The following C8orf34 variants were observed in gnomAD, a reference collection of about 807,000 sequenced individuals.
C8orf34 encodes chromosome 8 open reading frame 34.
In C8orf34, 65 loss-of-function variants were observed where a neutral mutation model predicts 68.3. The ratio of observed to expected loss-of-function variants is 0.95; its 90% confidence interval spans 0.78 to 1.17. The LOEUF (loss-of-function observed/expected upper bound fraction) is 1.17. Among genes scored for constraint, C8orf34 ranks in the 50% most tolerant of loss-of-function variants. The probability of loss-of-function intolerance (pLI) is 0.00; values close to 1 mark genes in which losing one functional copy is unlikely to be tolerated. For missense variants in C8orf34, 664 were observed against 655.4 expected (o/e 1.01, Z -0.14); for synonymous variants, 244 against 241.2 (o/e 1.01, Z -0.11).
In C8orf34 at chr8:68,527,400, G is replaced by A. The variant is rs943301997; in HGVS notation, c.938+5429G>A. On this transcript the variant is annotated intron_variant, in intron 6 of 13. Transcript: ENST00000518698. Reference sequence around the variant, plus strand: ...ATCCTGGCTAACACGGTGAAACCCCGTCTCTACTAAAAATACAAAAAATTA... The same window carrying A: ...ATCCTGGCTAACACGGTGAAACCCCATCTCTACTAAAAATACAAAAAATTA... 3.3e-5 allele frequency among the ~76,000 whole-genome samples: 5 copies of A among 151,980 alleles called. No homozygotes were observed. In the East Asian group the frequency reaches 5.8e-4, roughly 18 times the overall value.
intron 12 of C8orf34, among the ~76,000 whole-genome samples, chr8:68,800,035 C>T (rs1824285478): frequency 6.6e-6 from 1 of 152,108 alleles, no homozygotes; most frequent in East Asian, 1.9e-4. Context: ...ACACATTAGA[C>T]ACAGGGGGTG....
At chr8:68,372,036 C>T (rs998412941) in intron 1 of C8orf34, among the ~76,000 whole-genome samples, 2 of 152,074 alleles carry the variant, frequency 1.3e-5, no homozygotes, top group African/African-American at 4.8e-5. Flanking sequence ...AATGAAGAAG[C>T]CTCTGCATGT....
At chr8:68,792,183 A>G (rs184870742) in intron 12 of C8orf34, 2 of 152,296 alleles carry the variant, frequency 1.3e-5, no homozygotes, top group African/African-American at 4.8e-5. Flanking sequence ...AAAACAACAG[A>G]GTCAGCAAAT....
chr8:68,358,138 G>A (rs1014253727), intron 1 of C8orf34, among the ~76,000 whole-genome samples: 74 of 151,886 alleles, frequency 4.9e-4, no homozygotes, highest in Non-Finnish European at 9.7e-4. Flanking sequence ...ACACACTTTC[G>A]GCCCACATCA....
At chr8:68,589,019 T>G (rs1180446365) in intron 7 of C8orf34, among the ~76,000 whole-genome samples, 1 of 152,150 alleles carries the variant, frequency 6.6e-6, no homozygotes, top group African/African-American at 2.4e-5. Context: ...GGCAACAGGT[T>G]AATTTTAAAC....
At chr8:68,497,860 C>T (rs1813597373) in intron 5 of C8orf34, among the ~76,000 whole-genome samples, 1 of 152,086 alleles carries the variant, frequency 6.6e-6, no homozygotes, top group Non-Finnish European at 1.5e-5. Flanking sequence ...TGGAGTTTCG[C>T]TCTTGTTGCC....
At chr8:68,607,620 C>G (rs1003800258) in intron 7 of C8orf34, among the ~76,000 whole-genome samples, 8 of 152,086 alleles carry the variant, frequency 5.3e-5, no homozygotes, top group Middle Eastern at 3.2e-3. Context: ...AAAAATTTTT[C>G]AGCCCATGAC....
intron 8 of C8orf34, among the ~76,000 whole-genome samples, chr8:68,707,247 G>A (rs1307408612): frequency 6.6e-6 from 1 of 152,086 alleles, no homozygotes; most frequent in Admixed American, 6.5e-5. Context: ...AATGGAATTG[G>A]TGCCAAGTCA....
At chr8:68,642,292 T>C (rs577056852) in intron 8 of C8orf34, among the ~76,000 whole-genome samples, 5 of 152,214 alleles carry the variant, frequency 3.3e-5, no homozygotes, top group African/African-American at 4.8e-5. Flanking sequence ...TAAGGCATTG[T>C]TGTACTTTCA....
intron 4 of C8orf34, among the ~76,000 whole-genome samples, chr8:68,483,687 C>T (rs1028418117): frequency 2.6e-5 from 4 of 152,274 alleles, no homozygotes; most frequent in South Asian, 2.1e-4. Context: ...CTTTAGCCTG[C>T]GCACAGTGAG....
At chr8:68,745,841 A>G (rs1822471787) in intron 10 of C8orf34, among the ~76,000 whole-genome samples, 1 of 152,220 alleles carries the variant, frequency 6.6e-6, no homozygotes, top group Non-Finnish European at 1.5e-5. Context: ...CAGAAAGTCA[A>G]CAAGGATACC....
intron 7 of C8orf34, among the ~76,000 whole-genome samples, chr8:68,606,718 A>AT (rs989764918): frequency 1.7e-4 from 25 of 151,432 alleles, no homozygotes; most frequent in South Asian, 4.2e-4. Context: ...TGATCACTGG[A>AT]TTTTTTTTTG....
intron 1 of C8orf34, among the ~76,000 whole-genome samples, chr8:68,410,467 A>T (rs1251400650): frequency 6.6e-6 from 1 of 152,190 alleles, no homozygotes; most frequent in African/African-American, 2.4e-5. Context: ...GAGGATGTGC[A>T]TAAGTTATAT....
chr8:68,344,420 T>C (rs769054985), intron 1 of C8orf34, among the ~76,000 whole-genome samples: 2 of 152,158 alleles, frequency 1.3e-5, no homozygotes, highest in African/African-American at 2.4e-5. Context: ...GGAAAGTGAA[T>C]GAAACAATGT....
At chr8:68,769,091 T>A (rs182376000) in intron 10 of C8orf34, among the ~76,000 whole-genome samples, 172 of 152,208 alleles carry the variant, frequency 1.1e-3, no homozygotes, top group Non-Finnish European at 2.0e-3. Context: ...TTTGATTCAT[T>A]ATTGTCAGGC....
At chr8:68,683,277 G>A (rs1268824168) in intron 8 of C8orf34, among the ~76,000 whole-genome samples, 1 of 151,514 alleles carries the variant, frequency 6.6e-6, no homozygotes, top group Non-Finnish European at 1.5e-5. Context: ...ACAAAATTAT[G>A]GCTTAGAATT....
At chr8:68,757,368 G>A (rs145858750) in intron 10 of C8orf34, among the ~76,000 whole-genome samples, 10,596 of 152,088 alleles carry the variant, frequency 0.07, 851 homozygotes, top group East Asian at 0.46. Flanking sequence ...AGTGGCTCAT[G>A]CCTGTAATCC....
intron 8 of C8orf34, among the ~76,000 whole-genome samples, chr8:68,708,201 A>G (rs1779151890): frequency 1.3e-5 from 2 of 152,178 alleles, no homozygotes; most frequent in African/African-American, 4.8e-5. Context: ...GGATGTGCAG[A>G]ATTTAATATT....
chr8:68,617,235 T>G (rs1818249157), intron 7 of C8orf34, among the ~76,000 whole-genome samples: 1 of 152,016 alleles, frequency 6.6e-6, no homozygotes, highest in African/African-American at 2.4e-5. Flanking sequence ...GTCTTGACTC[T>G]ATCCAATTTG....
Sources: allele counts gnomAD v4.1 joint callset (sites outside exome capture counted in the v4.1 genomes callset), GRCh38; gene constraint gnomAD v4.1.1; transcripts MANE v1.5; gene names NCBI Gene and HGNC (gene_info 2026-07-23, HGNC 2026-07-21).